SIGLEC1: variants seen among roughly 807,000 people sequenced by gnomAD.
SIGLEC1 encodes sialic acid binding Ig like lectin 1, also known as sialoadhesin.
SIGLEC1 carries 132 observed loss-of-function variants against 148.0 expected under a neutral mutation model. The ratio of observed to expected loss-of-function variants is 0.89; its 90% confidence interval spans 0.77 to 1.03. SIGLEC1 has a LOEUF of 1.03. Ranked by LOEUF, SIGLEC1 falls within the 50% of genes least tolerant of loss-of-function variation. SIGLEC1 has a pLI of 0.00. For missense variants in SIGLEC1, 2,253 were observed against 2,271.4 expected (o/e 0.99, Z 0.16); for synonymous variants, 945 against 969.0 (o/e 0.98, Z 0.46).
chr20:3,692,205 G>C lies in SIGLEC1; in HGVS notation c.4031-3C>G. ...CAGGACAGCGTCCTGAGGGGCATCT[G>C]TGGGCAGGCAGGGCACAGATGGGGA... On this transcript the variant is annotated splice_region_variant and splice_polypyrimidine_tract_variant and intron_variant, in intron 16 of 21. Coordinates refer to ENST00000344754, the MANE Select transcript of SIGLEC1 (RefSeq NM_023068.4). 1 of 1,537,930 alleles carries C rather than the reference G, an allele frequency of 6.5e-7. No individual in the cohort carries two copies. The highest frequency in any genetic ancestry group is 8.7e-7 in the Non-Finnish European group (1 of 1,142,956).
rs760322719 is a variant in SIGLEC1, at chr20:3,703,223, G to A, written c.1202C>T (p.Ser401Leu). The change falls in exon 6 of 22, where the codon TCG (serine) becomes TTG (leucine). Residue 401 changes from serine to leucine, a missense_variant. By Grantham distance (145) the Ser-to-Leu change is moderately radical. Transcript: ENST00000344754. Reference sequence around the variant, plus strand: ...GTTGACTACCACGCTGACAGGGCCCGAGCGCTCGCTGCCATGGACGTTCTG... The same window carrying A: ...GTTGACTACCACGCTGACAGGGCCCAAGCGCTCGCTGCCATGGACGTTCTG... The part of the protein sequence containing the change: ...EVQNVHGSER[S>L]GPVSVVVNHP... 111 of 1,613,960 alleles carry A rather than the reference G, an allele frequency of 6.9e-5. 2 individuals are homozygous for A. The South Asian group carries it at 8.3e-4, about 12-fold the overall frequency.
At chr20:3,689,737 C>G (rs1174261406) in intron 19 of SIGLEC1, 35 bp from the exon 20 acceptor site, 1 of 1,524,970 alleles carries the variant, frequency 6.6e-7, no homozygotes, top group East Asian at 2.4e-5. Flanking sequence ...GCAGCCACAG[C>G]TGCAGGCCCC....
intron 1 of SIGLEC1, among the ~76,000 whole-genome samples, chr20:3,709,226 T>G (rs1394784398): frequency 6.6e-6 from 1 of 151,890 alleles, no homozygotes; most frequent in South Asian, 2.1e-4. Flanking sequence ...AAAAAAACCA[T>G]GAAATCCAAC....
chr20:3,690,824 C>CTTTTTTTTTTTTTTTTTTT lies in SIGLEC1; in HGVS notation c.4591+515_4591+516insAAAAAAAAAAAAAAAAAAA, dbSNP rs200631809. ...TTCTTTTGGTTTTTTCTCTTCTTTT[C>CTTTTTTTTTTTTTTTTTTT]TTTTCTTTTTTTTTTTTTTTTCTTG... On this transcript the variant is annotated intron_variant, in intron 18 of 21. Transcript: ENST00000344754. Among the ~76,000 whole-genome samples the CTTTTTTTTTTTTTTTTTTT allele has an allele frequency of 3.8e-4, 48 of 126,854 alleles. 3 individuals carry two copies. The highest frequency in any genetic ancestry group is 1.5e-3 in the African/African-American group (45 of 29,896). 83.2% of individuals were successfully genotyped at this position (126,854 alleles called of 152,430 possible).
chr20:3,698,033 G>T lies in SIGLEC1; in HGVS notation c.1887C>A (p.Asp629Glu), dbSNP rs550903404. 185 of 1,610,202 alleles carry T rather than the reference G, an allele frequency of 1.1e-4. No homozygotes were observed. The highest frequency in any genetic ancestry group is 1.7e-4 in the Middle Eastern group (1 of 5,848). ...RGLLLCRVDS[D>E]PPARLQLLHK... The stretch of plus-strand genomic sequence containing the variant: ...GGAGCAGCTGCAGCCTGGCGGGGGG[G>T]TCGCTGTCCACACGGCACAAAAGGA... Residue 629 changes from aspartate to glutamate, a missense_variant, in exon 9 of 22, where the codon GAC (aspartate) becomes GAA (glutamate). Coordinates refer to ENST00000344754, the MANE Select transcript of SIGLEC1 (RefSeq NM_023068.4).
At chr20:3,694,174 GACACACACACACACACACACACAC>G in intron 13 of SIGLEC1, 23 bp downstream of exon 13, 1 of 1,164,452 alleles carries the variant, frequency 8.6e-7, no homozygotes, top group South Asian at 1.5e-5. Context: ...TCTTTTAAAG[GACACACACACACACACACACACAC>G]ACACACACAC....
At position 3,696,618 on chromosome 20, in the gene SIGLEC1, G is replaced by A. The variant is rs750926735; in HGVS notation, c.2651C>T (p.Ser884Leu). 5.0e-6 allele frequency: 8 copies of A among 1,612,988 alleles called. No homozygotes were observed. Among genetic ancestry groups the A allele is most frequent in the South Asian group, 1.1e-5 (1 of 91,028 alleles). ...CTGGAAGAAGAGTGAGGTGTTGGATGATCCAAGAACATTTGTGGCCTCACA... is the reference window on the plus strand; with the variant it reads ...CTGGAAGAAGAGTGAGGTGTTGGATAATCCAAGAACATTTGTGGCCTCACA... ...YRCEATNVLG[S>L]SNTSLFFQVR... Residue 884 changes from serine (S) to leucine (L), a missense_variant, in exon 11 of 22, where the codon TCA (serine) becomes TTA (leucine). Coordinates refer to ENST00000344754, the MANE Select transcript of SIGLEC1 (RefSeq NM_023068.4).
Position 3,696,641 on chromosome 20 carries a change from A to T in SIGLEC1, c.2628T>A (p.Cys876Ter), listed in dbSNP as rs778534013. 2 of 1,613,772 alleles carry T rather than the reference A, an allele frequency of 1.2e-6. No homozygotes were observed. Among genetic ancestry groups the T allele is most frequent in the Non-Finnish European group, 8.5e-7 (1 of 1,179,980 alleles). The change falls in exon 11 of 22, where the codon TGT (cysteine) becomes TGA (stop). Residue 876 changes from cysteine (C) to a stop codon, truncating the protein, a stop_gained. Transcript: ENST00000344754. LOFTEE classifies it high-confidence loss of function. ...LGLGDSGSYRCEATNVLGSSN... is the reference protein window; with the variant it reads ...LGLGDSGSYR ...ATGATCCAAGAACATTTGTGGCCTCACAGCGGTAGCTGCCAGAGTCCCCAA... is the reference window on the plus strand; with the variant it reads ...ATGATCCAAGAACATTTGTGGCCTCTCAGCGGTAGCTGCCAGAGTCCCCAA...
At chr20:3,695,819 ATTT>A (rs10555867) in intron 11 of SIGLEC1, among the ~76,000 whole-genome samples, 17 of 149,804 alleles carry the variant, frequency 1.1e-4, no homozygotes, top group South Asian at 2.1e-4. Context: ...TTTAGGGAGA[ATTT>A]TTTTTTTTTT....
rs2087889692 is a variant in SIGLEC1, at chr20:3,705,917, TG to T, written c.532del (p.Gln178ArgfsTer57). On this transcript the variant is annotated frameshift_variant, in exon 4 of 22. Transcript: ENST00000344754. LOFTEE classifies it high-confidence loss of function. ...GAAGGTGACAGAGCGAGCAGGGTCC[TG>T]GCCTTGCCACTGCAGTCTGACCTGC... ...QEQVRLQWQG[Q>X]DPARSVTFNS... 2 of 1,614,062 alleles carry T rather than the reference TG, an allele frequency of 1.2e-6. No homozygotes were observed. Among genetic ancestry groups the T allele is most frequent in the Non-Finnish European group, 1.7e-6 (2 of 1,180,056 alleles).
Position 3,689,581 on chromosome 20 carries a change from C to A in SIGLEC1, c.4997+19G>T, listed in dbSNP as rs778261734. The stretch of plus-strand genomic sequence containing the variant: ...TGCCTTACCCCAATCTTCTGGCCCA[C>A]TCCCAGCTCCAGACCCACCTCCAGG... On this transcript the variant is annotated intron_variant, in intron 20 of 21. Coordinates refer to ENST00000344754, the MANE Select transcript of SIGLEC1 (RefSeq NM_023068.4). The A allele has an allele frequency of 1.8e-4, 269 of 1,537,100 alleles. No individual in the cohort carries two copies. Among genetic ancestry groups the A allele is most frequent in the Admixed American group, 9.7e-5 (5 of 51,436 alleles).
chr20:3,694,012 G>A lies in SIGLEC1; in HGVS notation c.3256+209C>T, dbSNP rs762228513. Among the ~76,000 whole-genome samples the A allele has an allele frequency of 3.5e-4, 53 of 152,272 alleles. No homozygotes were observed. The Middle Eastern group carries it at 0.01, about 29-fold the overall frequency. On this transcript the variant is annotated intron_variant, in intron 13 of 21. Transcript: ENST00000344754. ...ACTTTCTCCTGAAATTCCCTGTTTA[G>A]TTTTATCCACTGGGCATACTTGTAA...
intron 7 of SIGLEC1, among the ~76,000 whole-genome samples, chr20:3,700,170 T>G (rs1248607636): frequency 3.3e-5 from 4 of 121,328 alleles, no homozygotes; most frequent in Non-Finnish European, 6.4e-5. Flanking sequence ...CAGGCTGGAG[T>G]GCAGTGGCGC....
chr20:3,690,887 T>C (rs1013395215), intron 18 of SIGLEC1, among the ~76,000 whole-genome samples: 1 of 150,016 alleles, frequency 6.7e-6, no homozygotes, highest in East Asian at 2.0e-4. Context: ...CTGGAGTGCG[T>C]TGTGGTGATC....
chr20:3,692,053 TG>T lies in SIGLEC1; in HGVS notation c.4179del (p.His1393GlnfsTer50). On this transcript the variant is annotated frameshift_variant, in exon 17 of 22. Transcript: ENST00000344754. LOFTEE classifies it high-confidence loss of function. ...GKVLATSSGVHSLASGTGHVQ... is the reference protein window; with the variant it reads ...GKVLATSSGVXSLASGTGHVQ... ...ACATGGCCTGTCCCTGATGCCAAGC[TG>T]TGGACCCCGCTGCTCGTGGCCAGCA... The T allele has an allele frequency of 6.2e-7, 1 of 1,612,782 alleles. No individual in the cohort carries two copies. The highest frequency in any genetic ancestry group is 8.5e-7 in the Non-Finnish European group (1 of 1,179,698).
intron 7 of SIGLEC1, among the ~76,000 whole-genome samples, chr20:3,700,799 C>G (rs1401057109): frequency 6.7e-6 from 1 of 150,120 alleles, no homozygotes; most frequent in African/African-American, 2.5e-5. Context: ...CTCCTGGGTT[C>G]AAGCGATTCT....
rs751907278 is a variant in SIGLEC1 at position 3,705,958 on chromosome 20, G to A, written c.492C>T (p.Tyr164=). 8 of 1,614,102 alleles carry A rather than the reference G, an allele frequency of 5.0e-6. No homozygotes were observed. The Admixed American group carries it at 6.7e-5, about 13-fold the overall frequency. ...TEVDFNCSTP[Y]VCLQEQVRLQ... is the part of the protein sequence containing the mutation. ...GTCTGACCTGCTCCTGCAGGCATACGTAGGGAGTGGAGCAGTTGAAGTCCA... is the reference window on the plus strand; with the variant it reads ...GTCTGACCTGCTCCTGCAGGCATACATAGGGAGTGGAGCAGTTGAAGTCCA... The change falls in exon 4 of 22, where the codon TAC becomes TAT. Residue 164 remains tyrosine, a synonymous_variant. Coordinates refer to ENST00000344754, the MANE Select transcript of SIGLEC1 (RefSeq NM_023068.4).
intron 6 of SIGLEC1, among the ~76,000 whole-genome samples, chr20:3,702,053 C>T (rs1176433320): frequency 6.6e-6 from 1 of 152,078 alleles, no homozygotes; most frequent in African/African-American, 2.4e-5. Flanking sequence ...CCATTCAAGT[C>T]AGGCAAATGT....
intron 18 of SIGLEC1, among the ~76,000 whole-genome samples, chr20:3,690,798 T>G (rs538099842): frequency 1.1e-4 from 17 of 151,964 alleles, no homozygotes; most frequent in Middle Eastern, 3.4e-3. Flanking sequence ...GCACGCTTTA[T>G]TTCTTTTGGT....
Sources: allele counts gnomAD v4.1 joint callset (sites outside exome capture counted in the v4.1 genomes callset), GRCh38; gene constraint gnomAD v4.1.1; transcripts MANE v1.5; gene names NCBI Gene and HGNC (gene_info 2026-07-23, HGNC 2026-07-21).